Variants in MDGA2 observed in about 807,000 individuals in gnomAD.
MDGA2 encodes the protein MAM domain-containing glycosylphosphatidylinositol anchor protein 2.
A neutral mutation model predicts 117.8 loss-of-function variants in MDGA2; 40 were observed. The observed-to-expected ratio is 0.34, with a 90% confidence interval of 0.26 to 0.44. The LOEUF (loss-of-function observed/expected upper bound fraction) is 0.44. MDGA2 is among the 20% of genes least tolerant of loss of function. MDGA2 has a pLI of 1.00. For missense variants in MDGA2, 1,123 were observed against 1,250.6 expected (o/e 0.90, Z 1.54); for synonymous variants, 452 against 439.0 (o/e 1.03, Z -0.37).
intron 1 of MDGA2, among the ~76,000 whole-genome samples, chr14:47,417,079 G>A (rs1329097772): frequency 1.3e-5 from 2 of 152,092 alleles, no homozygotes; most frequent in Non-Finnish European, 2.9e-5. Flanking sequence ...GTAACTCTTG[G>A]CTTCTGTTGA....
rs1355730703 is a variant in MDGA2, at chr14:47,674,907, G to C, written c.-111C>G. On this transcript the variant is annotated 5_prime_UTR_variant, in exon 1 of 17. Coordinates refer to ENST00000399232, the MANE Select transcript of MDGA2 (RefSeq NM_001113498.3). ...GGTGCCTGGGAAAATCGCAGACGCCGGGGAGGAGCAGGGGGCGGTGATGGG... is the reference window on the plus strand; with the variant it reads ...GGTGCCTGGGAAAATCGCAGACGCCCGGGAGGAGCAGGGGGCGGTGATGGG... The C allele has an allele frequency of 1.9e-5, 10 of 537,534 alleles. No individual in the cohort carries two copies. In the Admixed American group the frequency reaches 3.3e-4, roughly 18 times the overall value. The allele number at this position is 537,534 out of a possible 1,614,324, so 33.3% of individuals were successfully genotyped here.
intron 3 of MDGA2, among the ~76,000 whole-genome samples, chr14:47,151,260 C>T (rs1883152566): frequency 6.6e-6 from 1 of 152,164 alleles, no homozygotes; most frequent in African/African-American, 2.4e-5. Context: ...CAGAGTGGCC[C>T]TGCAGAGTTT....
intron 5 of MDGA2, among the ~76,000 whole-genome samples, chr14:47,128,715 G>C (rs879407624): frequency 1.7e-5 from 1 of 59,972 alleles, no homozygotes; most frequent in Admixed American, 1.9e-4. Flanking sequence ...TTTTTTTTTT[G>C]AGACAGTCTC....
intron 8 of MDGA2, among the ~76,000 whole-genome samples, chr14:46,997,889 G>A (rs1299148573): frequency 6.6e-6 from 1 of 152,132 alleles, no homozygotes; most frequent in Admixed American, 6.6e-5. Context: ...GAAGTAGAGT[G>A]AACAAGTTTT....
intron 1 of MDGA2, among the ~76,000 whole-genome samples, chr14:47,592,717 C>A (rs948347681): frequency 4.6e-5 from 7 of 152,118 alleles, no homozygotes; most frequent in South Asian, 2.1e-4. Context: ...TTTCCTTACA[C>A]CTTACACAAA....
intron 1 of MDGA2, among the ~76,000 whole-genome samples, chr14:47,425,084 A>G (rs1477546533): frequency 6.6e-6 from 1 of 152,188 alleles, no homozygotes; most frequent in Non-Finnish European, 1.5e-5. Context: ...TTTCTCATTT[A>G]AAGTTATCAG....
intron 2 of MDGA2, among the ~76,000 whole-genome samples, chr14:47,269,973 T>C (rs755021508): frequency 1.2e-4 from 18 of 152,184 alleles, no homozygotes; most frequent in Non-Finnish European, 2.4e-4. Context: ...ATGACTTGAT[T>C]ACTAACTATT....
At chr14:47,596,247 C>T (rs571490277) in intron 1 of MDGA2, among the ~76,000 whole-genome samples, 20 of 152,256 alleles carry the variant, frequency 1.3e-4, no homozygotes, top group African/African-American at 4.8e-4. Context: ...AGCCAAAACA[C>T]ATACAGTTTT....
intron 2 of MDGA2, among the ~76,000 whole-genome samples, chr14:47,277,435 G>C (rs1437285738): frequency 1.3e-5 from 2 of 152,154 alleles, no homozygotes; most frequent in African/African-American, 4.8e-5. Flanking sequence ...TGCTCTAGCA[G>C]ATATTCCCTA....
intron 8 of MDGA2, among the ~76,000 whole-genome samples, chr14:46,967,087 T>C (rs1886065825): frequency 7.0e-6 from 1 of 142,454 alleles, no homozygotes; most frequent in Admixed American, 7.3e-5. Context: ...TAATAGAACC[T>C]TCAAATGAAT....
chr14:47,424,697 T>A (rs1892649398), intron 1 of MDGA2, among the ~76,000 whole-genome samples: 1 of 152,060 alleles, frequency 6.6e-6, no homozygotes, highest in Admixed American at 6.6e-5. Context: ...AGCTAGAGAG[T>A]CTTACACAGG....
intron 1 of MDGA2, among the ~76,000 whole-genome samples, chr14:47,654,289 C>G (rs887052565): frequency 1.2e-4 from 18 of 152,116 alleles, no homozygotes; most frequent in Non-Finnish European, 1.9e-4. Context: ...AGTCAATAAT[C>G]TCGATCATCA....
intron 2 of MDGA2, among the ~76,000 whole-genome samples, chr14:47,245,622 G>A (rs1342205372): frequency 2.6e-5 from 4 of 151,832 alleles, no homozygotes; most frequent in Admixed American, 2.0e-4. Flanking sequence ...CCTGACCACA[G>A]AAAATTGTTC....
chr14:46,943,815 T>C (rs1885078716), intron 9 of MDGA2, among the ~76,000 whole-genome samples: 1 of 152,130 alleles, frequency 6.6e-6, no homozygotes, highest in Admixed American at 6.6e-5. Flanking sequence ...AGACAGTAAA[T>C]ATTCTTGGCT....
intron 1 of MDGA2, among the ~76,000 whole-genome samples, chr14:47,351,686 T>A (rs762314052): frequency 7.2e-5 from 11 of 152,096 alleles, no homozygotes; most frequent in Admixed American, 6.5e-4. Flanking sequence ...AAGTTTCATG[T>A]TAATACCTAA....
rs186400070 is a variant in MDGA2 at position 47,053,572 on chromosome 14, T to C, written c.1525+7677A>G. Among the ~76,000 whole-genome samples, 32 of 145,602 alleles carry C rather than the reference T, an allele frequency of 2.2e-4. No homozygotes were observed. The East Asian group carries it at 3.6e-3, about 16-fold the overall frequency. On this transcript the variant is annotated intron_variant, in intron 7 of 16. Transcript: ENST00000399232. ...CATCTAAGCCAACAGCTTTCAACTA[T>C]GAGTAGCAAATACTCCTAGTGTGTA...
intron 1 of MDGA2, among the ~76,000 whole-genome samples, chr14:47,433,903 T>A (rs1393534048): frequency 6.6e-6 from 1 of 152,148 alleles, no homozygotes. Flanking sequence ...TTATCAGTCA[T>A]TGTAAAGTTT....
chr14:46,909,726 C>T (rs1260826921), intron 10 of MDGA2, among the ~76,000 whole-genome samples: 1 of 152,098 alleles, frequency 6.6e-6, no homozygotes, highest in Non-Finnish European at 1.5e-5. Context: ...CCTATCATTG[C>T]AGTACCTTAT....
intron 8 of MDGA2, among the ~76,000 whole-genome samples, chr14:47,006,179 T>C (rs1390589094): frequency 6.6e-6 from 1 of 151,186 alleles, no homozygotes; most frequent in Non-Finnish European, 1.5e-5. Context: ...TTATTTCAAG[T>C]GTTGAGCATA....
Sources: gnomAD v4.1 joint callset for allele counts (sites outside exome capture counted in the v4.1 genomes callset) on GRCh38, gnomAD v4.1.1 for gene constraint, MANE v1.5 for transcripts, NCBI Gene and HGNC (gene_info 2026-07-23, HGNC 2026-07-21) for gene names.